The following CSMD1 variants were observed in gnomAD, a reference collection of about 807,000 sequenced individuals.
CSMD1 encodes CUB and Sushi multiple domains 1.
CSMD1 carries 213 observed loss-of-function variants against 417.5 expected under a neutral mutation model. The ratio of observed to expected loss-of-function variants is 0.51; its 90% CI spans 0.46 to 0.57. The LOEUF is 0.57. CSMD1 is among the 20% of genes least tolerant of loss of function. The probability of loss-of-function intolerance (pLI) is 0.00; values close to 1 mark genes in which losing one functional copy is unlikely to be tolerated. For synonymous variants in CSMD1, 2,862 were observed against 1,736.8 expected, an observed-to-expected ratio of 1.65 and a Z score of -16.11; for missense variants, 6,923 against 4,529.7, an observed-to-expected ratio of 1.53 and a Z score of -15.17.
chr8:4,043,544 C>G (rs914892603), intron 3 of CSMD1, among the ~76,000 whole-genome samples: 1 of 152,118 alleles, frequency 6.6e-6, no homozygotes, highest in African/African-American at 2.4e-5. Flanking sequence ...TGAGAAAAGA[C>G]AAATAGCTTT....
At chr8:3,960,632 T>C (rs1165197242) in intron 5 of CSMD1, among the ~76,000 whole-genome samples, 1 of 151,922 alleles carries the variant, frequency 6.6e-6, no homozygotes, top group Non-Finnish European at 1.5e-5. Flanking sequence ...GAAATATTAA[T>C]ATGCACTGAT....
intron 7 of CSMD1, among the ~76,000 whole-genome samples, chr8:3,665,703 C>G (rs1229563681): frequency 6.6e-6 from 1 of 152,002 alleles, no homozygotes; most frequent in Non-Finnish European, 1.5e-5. Flanking sequence ...GTGAAACCAT[C>G]GCTACATATC....
At chr8:3,493,776 G>A (rs1404056876) in intron 10 of CSMD1, 50 bp from the exon 11 acceptor site, 1 of 1,469,022 alleles carries the variant, frequency 6.8e-7, no homozygotes, top group Admixed American at 1.9e-5. Flanking sequence ...TACTTCCCAT[G>A]ACTTTTAATA....
intron 10 of CSMD1, among the ~76,000 whole-genome samples, chr8:3,498,353 C>T (rs1015000412): frequency 6.6e-6 from 1 of 152,196 alleles, no homozygotes; most frequent in African/African-American, 2.4e-5. Context: ...ATCAGGAGAA[C>T]TGTGATATCC....
At chr8:3,794,748 G>C (rs1034687341) in intron 5 of CSMD1, among the ~76,000 whole-genome samples, 13 of 151,966 alleles carry the variant, frequency 8.6e-5, no homozygotes, top group Admixed American at 7.2e-4. Flanking sequence ...GCAACTTCCA[G>C]GTCAAGACTG....
At chr8:3,266,342 A>T (rs1003614488) in intron 26 of CSMD1, among the ~76,000 whole-genome samples, 1 of 151,868 alleles carries the variant, frequency 6.6e-6, no homozygotes, top group Non-Finnish European at 1.5e-5. Context: ...ACAGTGGCTC[A>T]CACCTGTAAT....
intron 1 of CSMD1, among the ~76,000 whole-genome samples, chr8:4,854,660 C>A (rs1801688071): frequency 6.6e-6 from 1 of 152,112 alleles, no homozygotes; most frequent in South Asian, 2.1e-4. Flanking sequence ...ACGGACAGCA[C>A]CTGGAAAATC....
chr8:4,803,355 T>G (rs940932384), intron 1 of CSMD1, among the ~76,000 whole-genome samples: 17 of 152,196 alleles, frequency 1.1e-4, no homozygotes, highest in Non-Finnish European at 1.5e-5. Context: ...AAAAAGGGTT[T>G]CAGTTACTAT....
At chr8:3,250,483 A>C (rs916936548) in intron 26 of CSMD1, among the ~76,000 whole-genome samples, 1 of 152,156 alleles carries the variant, frequency 6.6e-6, no homozygotes, top group Admixed American at 6.5e-5. Context: ...GTTGGTTCCA[A>C]GTCTTTGCTA....
intron 2 of CSMD1, among the ~76,000 whole-genome samples, chr8:4,488,684 TG>T (rs141706052): frequency 3.7e-4 from 56 of 151,032 alleles, no homozygotes; most frequent in African/African-American, 1.3e-3. Flanking sequence ...ATCATGGCGG[TG>T]GGGGGGGTGA....
At chr8:4,773,446 C>T (rs1796695164) in intron 1 of CSMD1, among the ~76,000 whole-genome samples, 2 of 152,186 alleles carry the variant, frequency 1.3e-5, no homozygotes, top group African/African-American at 4.8e-5. Flanking sequence ...TGGGGGAGGC[C>T]TGTGCACCCC....
chr8:4,857,509 T>A (rs894219042), intron 1 of CSMD1, among the ~76,000 whole-genome samples: 1 of 152,040 alleles, frequency 6.6e-6, no homozygotes, highest in Non-Finnish European at 1.5e-5. Context: ...ACAAAATTGA[T>A]AGACCGCTAG....
At chr8:4,324,806 C>T (rs1396460899) in intron 3 of CSMD1, among the ~76,000 whole-genome samples, 4 of 152,192 alleles carry the variant, frequency 2.6e-5, no homozygotes, top group East Asian at 1.9e-4. Flanking sequence ...GCCTGCTTCC[C>T]ATGTCTTGCT....
At chr8:4,367,933 A>G (rs111957031) in intron 3 of CSMD1, among the ~76,000 whole-genome samples, 1 of 152,132 alleles carries the variant, frequency 6.6e-6, no homozygotes, top group African/African-American at 2.4e-5. Context: ...GTTGTTTATC[A>G]GTTCTAGAAG....
At chr8:3,638,637 G>A (rs1214252383) in intron 7 of CSMD1, among the ~76,000 whole-genome samples, 1 of 152,182 alleles carries the variant, frequency 6.6e-6, no homozygotes, top group East Asian at 1.9e-4. Context: ...GGAGGAGCAG[G>A]TGAAACATGG....
intron 1 of CSMD1, among the ~76,000 whole-genome samples, chr8:4,789,166 A>G (rs150108699): frequency 3.3e-5 from 5 of 152,350 alleles, no homozygotes; most frequent in Admixed American, 3.3e-4. Flanking sequence ...TTGTATGTTC[A>G]GATGAATGCT....
At chr8:4,319,020 C>T (rs146390828) in intron 3 of CSMD1, among the ~76,000 whole-genome samples, 4 of 152,236 alleles carry the variant, frequency 2.6e-5, no homozygotes, top group South Asian at 2.1e-4. Flanking sequence ...TCTAACAAAG[C>T]GGCTTGAAGG....
intron 5 of CSMD1, among the ~76,000 whole-genome samples, chr8:3,888,652 G>C (rs182810549): frequency 1.6e-3 from 236 of 152,228 alleles, no homozygotes; most frequent in African/African-American, 5.5e-3. Flanking sequence ...ATCATGTTGA[G>C]ATTAATCTCA....
intron 7 of CSMD1, among the ~76,000 whole-genome samples, chr8:3,692,003 C>G (rs144117370): frequency 1.3e-3 from 194 of 152,306 alleles, no homozygotes; most frequent in African/African-American, 4.5e-3. Flanking sequence ...AGACAGGATG[C>G]TGGGCATCTG....
Sources: allele counts gnomAD v4.1 joint callset (sites outside exome capture counted in the v4.1 genomes callset), GRCh38; gene constraint gnomAD v4.1.1; transcripts MANE v1.5; gene names NCBI Gene and HGNC (gene_info 2026-07-23, HGNC 2026-07-21).